SLC14A2: variants seen among roughly 807,000 people sequenced by gnomAD.
SLC14A2 encodes the protein urea transporter 2.
In SLC14A2, 91 loss-of-function variants were observed where a neutral mutation model predicts 104.6. The ratio of observed to expected loss-of-function variants is 0.87; its 90% CI spans 0.73 to 1.04. The LOEUF (loss-of-function observed/expected upper bound fraction) is 1.04. Among genes scored for constraint, SLC14A2 ranks in the 50% least tolerant of loss-of-function variants. The probability of loss-of-function intolerance (pLI) is 0.00; values close to 1 mark genes in which losing one functional copy is unlikely to be tolerated. For missense variants in SLC14A2, 1,189 were observed against 1,156.0 expected (o/e 1.03, Z -0.41); for synonymous variants, 476 against 466.4 (o/e 1.02, Z -0.27).
At chr18:45,405,599 T>G (rs2086145348) in intron 1 of SLC14A2, among the ~76,000 whole-genome samples, 1 of 152,184 alleles carries the variant, frequency 6.6e-6, no homozygotes, top group South Asian at 2.1e-4. Flanking sequence ...AAATACTTTA[T>G]TGCTAAATCA....
chr18:45,380,908 CGGG>C (rs1162429197), intron 1 of SLC14A2, among the ~76,000 whole-genome samples: 1 of 152,182 alleles, frequency 6.6e-6, no homozygotes, highest in African/African-American at 2.4e-5. Context: ...GCCTTGTTAT[CGGG>C]GATCAAAGTG....
intron 10 of SLC14A2, chr18:45,646,534 G>C (rs1331941931): frequency 6.6e-6 from 1 of 152,130 alleles, no homozygotes; most frequent in Non-Finnish European, 1.5e-5. Context: ...CAAAGCATTG[G>C]GTCTGATTGG....
intron 1 of SLC14A2, among the ~76,000 whole-genome samples, chr18:45,352,594 G>A (rs1255092948): frequency 6.6e-6 from 1 of 152,140 alleles, no homozygotes; most frequent in East Asian, 1.9e-4. Flanking sequence ...CCCCTGTAGA[G>A]CTTACAACCC....
intron 1 of SLC14A2, among the ~76,000 whole-genome samples, chr18:45,214,646 ACTTTGT>A (rs369081718): frequency 7.8e-4 from 119 of 152,252 alleles, no homozygotes; most frequent in African/African-American, 2.7e-3. Flanking sequence ...AGAGGGTATT[ACTTTGT>A]CTTTCACTTG....
intron 1 of SLC14A2, among the ~76,000 whole-genome samples, chr18:45,453,782 C>T (rs561290179): frequency 1.9e-4 from 29 of 151,672 alleles, no homozygotes; most frequent in Non-Finnish European, 3.7e-4. Flanking sequence ...GCCTCCCTTA[C>T]TGAAACCTGC....
intron 1 of SLC14A2, among the ~76,000 whole-genome samples, chr18:45,442,339 A>G (rs1266568140): frequency 6.6e-6 from 1 of 152,162 alleles, no homozygotes; most frequent in African/African-American, 2.4e-5. Context: ...TCCAGAAGTC[A>G]GAGATCAAGG....
At chr18:45,395,375 G>C (rs183526637) in intron 1 of SLC14A2, among the ~76,000 whole-genome samples, 1 of 152,148 alleles carries the variant, frequency 6.6e-6, no homozygotes. Flanking sequence ...TCAGAGTCTG[G>C]AGGAAGCCTC....
intron 1 of SLC14A2, among the ~76,000 whole-genome samples, chr18:45,249,344 G>A (rs1568120618): frequency 1.3e-5 from 2 of 150,468 alleles, no homozygotes; most frequent in African/African-American, 2.5e-5. Flanking sequence ...CTAACTGTGT[G>A]TGTGTGCCTG....
At chr18:45,435,918 T>C (rs2086588570) in intron 1 of SLC14A2, among the ~76,000 whole-genome samples, 1 of 152,188 alleles carries the variant, frequency 6.6e-6, no homozygotes, top group Admixed American at 6.5e-5. Flanking sequence ...TATAAATTCC[T>C]ATATTTAGGT....
At chr18:45,289,498 A>G (rs1374574782) in intron 1 of SLC14A2, among the ~76,000 whole-genome samples, 1 of 152,172 alleles carries the variant, frequency 6.6e-6, no homozygotes, top group Non-Finnish European at 1.5e-5. Context: ...AAAAGCTCAC[A>G]AAGCTGATAA....
At chr18:45,661,074 T>C (rs1045482006) in intron 10 of SLC14A2, among the ~76,000 whole-genome samples, 1 of 152,176 alleles carries the variant, frequency 6.6e-6, no homozygotes, top group Non-Finnish European at 1.5e-5. Context: ...CCATCAACTC[T>C]AGGAACACAT....
intron 18 of SLC14A2, among the ~76,000 whole-genome samples, chr18:45,675,899 T>C (rs1406411600): frequency 1.3e-5 from 2 of 151,700 alleles, no homozygotes; most frequent in African/African-American, 4.9e-5. Flanking sequence ...GGCCCATTGA[T>C]AGGCAACCAG....
At chr18:45,543,477 T>C (rs918817825) in intron 2 of SLC14A2, among the ~76,000 whole-genome samples, 1 of 152,144 alleles carries the variant, frequency 6.6e-6, no homozygotes, top group African/African-American at 2.4e-5. Flanking sequence ...AAACTGTTCA[T>C]CCATAGATGG....
chr18:45,525,029 T>A (rs755076408), intron 2 of SLC14A2, among the ~76,000 whole-genome samples: 31 of 152,272 alleles, frequency 2.0e-4, no homozygotes, highest in Non-Finnish European at 3.5e-4. Context: ...GCTTTTAATA[T>A]CCACCTCCCT....
chr18:45,187,060 CA>C, the SLC14A2 span, among the ~76,000 whole-genome samples: 1 of 152,154 alleles, frequency 6.6e-6, no homozygotes, highest in East Asian at 1.9e-4. Flanking sequence ...TTGCCCACCG[CA>C]GCAAAGCCTG....
chr18:45,595,357 A>T (rs918469877), intron 2 of SLC14A2, among the ~76,000 whole-genome samples: 1 of 151,656 alleles, frequency 6.6e-6, no homozygotes, highest in Non-Finnish European at 1.5e-5. Flanking sequence ...ATCTCATTTC[A>T]TCAATAACCC....
chr18:45,666,948 T>C lies in SLC14A2; in HGVS notation c.1571T>C (p.Met524Thr), dbSNP rs1380631020. The change falls in exon 13 of 20, where the codon ATG (methionine) becomes ACG (threonine). Residue 524 changes from methionine (M) to threonine (T), a missense_variant. Coordinates refer to ENST00000255226, the MANE Select transcript of SLC14A2 (RefSeq NM_007163.4). ...PTVELLDLDT[M>T]EESSEIKVET... ...TGTCCTGGACAGGATCTGGACACCA[T>C]GGAGGAGAGCTCTGAGATAAAAGTG... 1 of 1,613,974 alleles carries C rather than the reference T, an allele frequency of 6.2e-7. No individual in the cohort carries two copies. The highest frequency in any genetic ancestry group is 2.2e-5 in the East Asian group (1 of 44,880).
intron 1 of SLC14A2, among the ~76,000 whole-genome samples, chr18:45,426,272 A>G (rs879380225): frequency 1.2e-4 from 19 of 152,026 alleles, no homozygotes; most frequent in Non-Finnish European, 2.2e-4. Flanking sequence ...GCTGAGTGCC[A>G]CTTATTGTCA....
intron 2 of SLC14A2, among the ~76,000 whole-genome samples, chr18:45,540,773 G>A (rs1053690916): frequency 4.6e-5 from 7 of 152,044 alleles, no homozygotes; most frequent in Non-Finnish European, 7.3e-5. Flanking sequence ...ATAATAATCT[G>A]CCAGGGTGGA....
Sources: allele counts gnomAD v4.1 joint callset (sites outside exome capture counted in the v4.1 genomes callset), GRCh38; gene constraint gnomAD v4.1.1; transcripts MANE v1.5; gene names NCBI Gene and HGNC (gene_info 2026-07-23, HGNC 2026-07-21).